NEK7: variants seen among roughly 807,000 people sequenced by gnomAD.
The protein encoded by NEK7 is NIMA related kinase 7, also known as serine/threonine-protein kinase Nek7.
In NEK7, 18 loss-of-function variants were observed where a neutral mutation model predicts 44.6. That is an observed-to-expected ratio of 0.40 (90% CI 0.28 to 0.60). The LOEUF (loss-of-function observed/expected upper bound fraction) is 0.60. Ranked by LOEUF, NEK7 falls within the 20% of genes least tolerant of loss-of-function variation. NEK7 has a pLI of 0.38. For synonymous variants in NEK7, 130 were observed against 121.1 expected, an observed-to-expected ratio of 1.07 and a Z score of -0.48; for missense variants, 256 against 366.5, an observed-to-expected ratio of 0.70 and a Z score of 2.46.
intron 2 of NEK7, among the ~76,000 whole-genome samples, chr1:198,251,714 TG>T (rs1467565565): frequency 5.9e-5 from 9 of 151,932 alleles, no homozygotes; most frequent in Non-Finnish European, 7.4e-5. Flanking sequence ...GTGGGATCGG[TG>T]GTGATATCCC....
chr1:198,227,872 A>G (rs1666274268), intron 1 of NEK7, among the ~76,000 whole-genome samples: 1 of 152,206 alleles, frequency 6.6e-6, no homozygotes, highest in Non-Finnish European at 1.5e-5. Context: ...CTTTAGTTGA[A>G]TTAGATCCCA....
intron 1 of NEK7, among the ~76,000 whole-genome samples, chr1:198,195,372 CAT>C (rs1665199747): frequency 6.6e-6 from 1 of 152,128 alleles, no homozygotes; most frequent in African/African-American, 2.4e-5. Context: ...GTCATTTACA[CAT>C]GATTTAAAAG....
chr1:198,272,040 T>G (rs1400000520), intron 5 of NEK7, among the ~76,000 whole-genome samples: 1 of 151,006 alleles, frequency 6.6e-6, no homozygotes, highest in East Asian at 1.9e-4. Context: ...TATATGTAGG[T>G]GTGTTGTATA....
In NEK7 at chr1:198,246,287, T is replaced by C. The variant is rs148770188; in HGVS notation, c.58-6753T>C. 5.3e-4 allele frequency among the ~76,000 whole-genome samples: 80 copies of C among 151,876 alleles called. No individual in the cohort carries two copies. The East Asian group carries it at 0.014, about 27-fold the overall frequency. ...AGATGTGCAGCTATGCTCCTTCTCA[T>C]GTCAGCTCTCCACATCTACACTGGG... On this transcript the variant is annotated intron_variant, in intron 2 of 9. Transcript: ENST00000367385.
intron 9 of NEK7, among the ~76,000 whole-genome samples, chr1:198,299,008 T>G (rs1571614335): frequency 2.6e-5 from 4 of 152,212 alleles, no homozygotes; most frequent in Admixed American, 2.6e-4. Flanking sequence ...AGATAGAAGG[T>G]CTTAGAGTTG....
intron 2 of NEK7, among the ~76,000 whole-genome samples, chr1:198,247,262 G>T (rs1364522769): frequency 6.6e-6 from 1 of 151,736 alleles, no homozygotes; most frequent in Admixed American, 6.6e-5. Flanking sequence ...TTCCATTTTT[G>T]TCTTTATTTT....
intron 1 of NEK7, among the ~76,000 whole-genome samples, chr1:198,171,777 A>G (rs572145605): frequency 6.6e-6 from 1 of 151,966 alleles, no homozygotes; most frequent in African/African-American, 2.4e-5. Context: ...GTAGTTCCCT[A>G]GTTATCCCAT....
Position 198,253,084 on chromosome 1 carries a change from T to A in NEK7, c.102T>A (p.Phe34Leu). 6.2e-7 allele frequency: 1 copy of A among 1,612,674 alleles called. No individual in the cohort carries two copies. The highest frequency in any genetic ancestry group is 8.5e-7 in the Non-Finnish European group (1 of 1,179,016). Residue 34 changes from phenylalanine to leucine, a missense_variant, in exon 3 of 10, where the codon TTT (phenylalanine) becomes TTA (leucine). Phe to Leu is a conservative substitution (Grantham distance 22). Coordinates refer to ENST00000367385, the MANE Select transcript of NEK7 (RefSeq NM_133494.3). Reference protein sequence around the residue: ...PDMGYNTLANFRIEKKIGRGQ... With the variant: ...PDMGYNTLANLRIEKKIGRGQ... ...TGGGCTATAATACATTAGCCAACTT[T>A]CGAATAGAAAAGAAAATTGGTCGCG... is the stretch of plus-strand genomic sequence containing the variant.
At chr1:198,256,433 A>G in intron 3 of NEK7, 2 of 1,610,758 alleles carry the variant, frequency 1.2e-6, no homozygotes, top group Non-Finnish European at 1.7e-6. Context: ...GGCAACATTA[A>G]CCAATCTTTT....
At chr1:198,213,203 GTTAATC>G (rs761938347) in intron 1 of NEK7, among the ~76,000 whole-genome samples, 50 of 152,304 alleles carry the variant, frequency 3.3e-4, no homozygotes, top group Non-Finnish European at 5.7e-4. Context: ...TTTAGGGACT[GTTAATC>G]TTAAGGGAAG....
rs142149585 is a variant in NEK7, at chr1:198,261,024, A to C, written c.199-1551A>C. 1.9e-3 allele frequency among the ~76,000 whole-genome samples: 294 copies of C among 152,090 alleles called. 1 individual carries two copies. Among genetic ancestry groups the C allele is most frequent in the African/African-American group, 6.5e-3 (271 of 41,528 alleles). On this transcript the variant is annotated intron_variant, in intron 3 of 9. Coordinates refer to ENST00000367385, the MANE Select transcript of NEK7 (RefSeq NM_133494.3). ...GATATTAAGAATGATATCTAGAAAA[A>C]GTTGCCTCTTATAAGCTGTAATTTT... is the stretch of plus-strand genomic sequence containing the variant.
rs529997167 is a variant in NEK7 at position 198,251,861 on chromosome 1, T to C, written c.58-1179T>C. Among the ~76,000 whole-genome samples, 215 of 152,276 alleles carry C rather than the reference T, an allele frequency of 1.4e-3. 2 individuals carry two copies. Among genetic ancestry groups the C allele is most frequent in the African/African-American group, 3.8e-3 (158 of 41,564 alleles). ...TCATTAATTTTTTGAAGGGTTTTTGTGTCTCTATTTCCTTCAGTTCTGCTC... is the reference window on the plus strand; with the variant it reads ...TCATTAATTTTTTGAAGGGTTTTTGCGTCTCTATTTCCTTCAGTTCTGCTC... On this transcript the variant is annotated intron_variant, in intron 2 of 9. Transcript: ENST00000367385.
chr1:198,206,078 T>C (rs1012142318), intron 1 of NEK7, among the ~76,000 whole-genome samples: 6 of 152,170 alleles, frequency 3.9e-5, no homozygotes, highest in African/African-American at 1.2e-4. Context: ...TTGTGTAATA[T>C]TTTTGAAGAC....
chr1:198,163,416 G>C (rs924175968), intron 1 of NEK7, among the ~76,000 whole-genome samples: 4 of 151,716 alleles, frequency 2.6e-5, no homozygotes, highest in African/African-American at 9.7e-5. Flanking sequence ...GGATTGCTTG[G>C]GCCTGGAGGA....
intron 7 of NEK7, among the ~76,000 whole-genome samples, chr1:198,288,272 A>G (rs187473946): frequency 6.8e-4 from 103 of 152,338 alleles, no homozygotes; most frequent in African/African-American, 2.4e-3. Flanking sequence ...TGCTCTGGTA[A>G]GGAGCTATTA....
chr1:198,207,976 C>T (rs1354258012), intron 1 of NEK7, among the ~76,000 whole-genome samples: 2 of 152,146 alleles, frequency 1.3e-5, no homozygotes, highest in African/African-American at 4.8e-5. Flanking sequence ...ATTTATCTCT[C>T]TATTTATGTG....
chr1:198,285,548 C>T (rs983812831), intron 7 of NEK7, among the ~76,000 whole-genome samples: 4 of 152,004 alleles, frequency 2.6e-5, no homozygotes, highest in Non-Finnish European at 4.4e-5. Flanking sequence ...TATCAACATA[C>T]GTTTTTGTGA....
chr1:198,207,946 C>G (rs1440739097), intron 1 of NEK7, among the ~76,000 whole-genome samples: 1 of 151,908 alleles, frequency 6.6e-6, no homozygotes, highest in Non-Finnish European at 1.5e-5. Flanking sequence ...CTAATAGAAC[C>G]CTTAGAACAC....
At chr1:198,297,335 A>G (rs1654742341) in intron 9 of NEK7, 95 bp downstream of exon 9, 3 of 1,477,496 alleles carry the variant, frequency 2.0e-6, no homozygotes, top group Non-Finnish European at 2.8e-6. Flanking sequence ...AATGAAAATG[A>G]ATGGTATAGG....
Sources: allele counts gnomAD v4.1 joint callset (sites outside exome capture counted in the v4.1 genomes callset), GRCh38; gene constraint gnomAD v4.1.1; transcripts MANE v1.5; gene names NCBI Gene and HGNC (gene_info 2026-07-23, HGNC 2026-07-21).